NRG1: variants seen among roughly 807,000 people sequenced by gnomAD.
The protein encoded by NRG1 is pro-neuregulin-1, membrane-bound isoform.
Under a neutral mutation model 63.8 loss-of-function variants are expected in NRG1, and 18 were observed. The observed-to-expected ratio is 0.28, with a 90% CI of 0.19 to 0.42. The LOEUF (loss-of-function observed/expected upper bound fraction) is 0.42, where lower values mean the gene tolerates loss of function less well. NRG1 is among the 10% of genes least tolerant of loss of function. The probability of loss-of-function intolerance (pLI) is 1.00; values close to 1 mark genes in which losing one functional copy is unlikely to be tolerated. For synonymous variants in NRG1, 302 were observed against 301.3 expected (o/e 1.00, Z -0.02); for missense variants, 762 against 814.7 (o/e 0.94, Z 0.79).
chr8:32,366,160 G>T (rs1337186617), intron 1 of NRG1, among the ~76,000 whole-genome samples: 2 of 151,996 alleles, frequency 1.3e-5, no homozygotes, highest in Non-Finnish European at 2.9e-5. Flanking sequence ...ATTTTTTTTA[G>T]ATATCCTTCA....
chr8:32,304,897 C>T (rs1438860698), intron 1 of NRG1, among the ~76,000 whole-genome samples: 1 of 152,092 alleles, frequency 6.6e-6, no homozygotes, highest in African/African-American at 2.4e-5. Context: ...TAGCCCACAC[C>T]TGTAATCCTA....
At chr8:32,136,226 A>G (rs1489336102) in intron 1 of NRG1, among the ~76,000 whole-genome samples, 2 of 152,214 alleles carry the variant, frequency 1.3e-5, no homozygotes, top group East Asian at 3.9e-4. Flanking sequence ...CTTACTGCCC[A>G]TTATAAAATA....
intron 1 of NRG1, among the ~76,000 whole-genome samples, chr8:32,069,316 A>G (rs1825385397): frequency 6.6e-6 from 1 of 152,214 alleles, no homozygotes. Flanking sequence ...AGCATATGTT[A>G]TGGGAGATCA....
chr8:32,139,057 T>G (rs1303045777), intron 1 of NRG1, among the ~76,000 whole-genome samples: 1 of 152,174 alleles, frequency 6.6e-6, no homozygotes, highest in African/African-American at 2.4e-5. Context: ...TCCTTAATAT[T>G]TTGACCTCAA....
At chr8:32,358,368 GAAAAAA>G (rs34976612) in intron 1 of NRG1, among the ~76,000 whole-genome samples, 7,873 of 99,090 alleles carry the variant, frequency 0.079, 307 homozygotes, top group Middle Eastern at 0.16. Flanking sequence ...TGCCATTTAT[GAAAAAA>G]AAAAAAAAAA....
At chr8:31,974,479 T>C (rs772274035) in intron 1 of NRG1, among the ~76,000 whole-genome samples, 2 of 152,192 alleles carry the variant, frequency 1.3e-5, no homozygotes, top group African/African-American at 2.4e-5. Flanking sequence ...TGTGAATCTA[T>C]TTGTCAAGAG....
intron 1 of NRG1, among the ~76,000 whole-genome samples, chr8:32,112,435 G>A (rs1190966100): frequency 2.0e-5 from 3 of 152,184 alleles, no homozygotes; most frequent in Non-Finnish European, 2.9e-5. Context: ...CATTCATTTC[G>A]AAGTAAGAGT....
chr8:32,641,994 C>T (rs1852488269), intron 5 of NRG1, among the ~76,000 whole-genome samples: 1 of 152,124 alleles, frequency 6.6e-6, no homozygotes, highest in Admixed American at 6.5e-5. Flanking sequence ...TAAATATTAG[C>T]ATATTCCAAA....
chr8:32,282,492 A>G (rs1433247154), intron 1 of NRG1, among the ~76,000 whole-genome samples: 2 of 152,200 alleles, frequency 1.3e-5, no homozygotes, highest in Non-Finnish European at 2.9e-5. Context: ...AAAGCGTGCC[A>G]TCAGCTTCCT....
intron 1 of NRG1, among the ~76,000 whole-genome samples, chr8:32,321,522 T>C (rs1425793106): frequency 6.9e-6 from 1 of 144,262 alleles, no homozygotes; most frequent in Admixed American, 6.8e-5. Flanking sequence ...TTTTTTTTTT[T>C]CTTCTTCTTC....
chr8:32,371,919 C>G (rs1327382553), intron 1 of NRG1, among the ~76,000 whole-genome samples: 1 of 151,778 alleles, frequency 6.6e-6, no homozygotes, highest in Non-Finnish European at 1.5e-5. Flanking sequence ...TTACTTGTAG[C>G]TGAACGCAAT....
intron 1 of NRG1, among the ~76,000 whole-genome samples, chr8:32,520,060 T>C (rs1345265712): frequency 6.6e-6 from 1 of 152,152 alleles, no homozygotes; most frequent in African/African-American, 2.4e-5. Context: ...ACACAGGCAC[T>C]GTAATTGCAT....
chr8:32,652,248 A>G (rs1855292820), intron 5 of NRG1, among the ~76,000 whole-genome samples: 1 of 152,178 alleles, frequency 6.6e-6, no homozygotes, highest in African/African-American at 2.4e-5. Flanking sequence ...CACTAAAATT[A>G]AATTTTCTTC....
chr8:32,309,229 A>C (rs1856547937), intron 1 of NRG1, among the ~76,000 whole-genome samples: 1 of 152,116 alleles, frequency 6.6e-6, no homozygotes, highest in Non-Finnish European at 1.5e-5. Flanking sequence ...ATAGCCCTTA[A>C]TTACCAGAGA....
At chr8:31,736,730 C>T (rs185549469) in intron 1 of NRG1, among the ~76,000 whole-genome samples, 11 of 152,226 alleles carry the variant, frequency 7.2e-5, no homozygotes, top group East Asian at 1.9e-4. Context: ...ATACTTTACA[C>T]GAAGTAAACA....
intron 5 of NRG1, among the ~76,000 whole-genome samples, chr8:32,687,584 C>G (rs187450918): frequency 6.6e-6 from 1 of 152,164 alleles, no homozygotes; most frequent in African/African-American, 2.4e-5. Context: ...GTGCTCCTCC[C>G]AGGCAGGGAC....
exon 12 of NRG1, chr8:32,765,753 T>G (rs1831377068): frequency 6.6e-6 from 1 of 152,160 alleles, no homozygotes; most frequent in African/African-American, 2.4e-5. Context: ...TGTCCTGACC[T>G]CTCCATTTAC....
At chr8:32,701,491 CAGCATATTTGA>C (rs562361123) in intron 5 of NRG1, among the ~76,000 whole-genome samples, 20 of 152,222 alleles carry the variant, frequency 1.3e-4, no homozygotes, top group African/African-American at 4.8e-4. Context: ...ACCATGGGGC[CAGCATATTTGA>C]AGGTGATTTT....
intron 1 of NRG1, among the ~76,000 whole-genome samples, chr8:32,080,849 T>C (rs751395401): frequency 3.3e-5 from 5 of 151,656 alleles, no homozygotes; most frequent in East Asian, 3.9e-4. Flanking sequence ...GTTTAAGGAA[T>C]TGGCTCACAA....
Sources: allele counts gnomAD v4.1 joint callset (sites outside exome capture counted in the v4.1 genomes callset), GRCh38; gene constraint gnomAD v4.1.1; transcripts MANE v1.5; gene names NCBI Gene and HGNC (gene_info 2026-07-23, HGNC 2026-07-21).